MGARP: variants seen among roughly 807,000 people sequenced by gnomAD.
MGARP encodes mitochondria localized glutamic acid rich protein.
MGARP carries 12 observed loss-of-function variants against 11.0 expected under a neutral mutation model. The observed-to-expected ratio is 1.09, with a 90% CI of 0.70 to 1.77. The LOEUF (loss-of-function observed/expected upper bound fraction) is 1.77, where lower values mean the gene tolerates loss of function less well. Ranked by LOEUF, MGARP falls within the 40% of genes most tolerant of loss-of-function variation. The probability of loss-of-function intolerance (pLI) is 0.00; values close to 1 mark genes in which losing one functional copy is unlikely to be tolerated. For missense variants in MGARP, 283 were observed against 297.8 expected (o/e 0.95, Z 0.36); for synonymous variants, 110 against 115.4 (o/e 0.95, Z 0.30).
chr4:139,270,442 T>C (rs1343470043), intron 2 of MGARP, among the ~76,000 whole-genome samples: 5 of 151,040 alleles, frequency 3.3e-5, no homozygotes, highest in Non-Finnish European at 5.9e-5. Flanking sequence ...ACCCCATCTC[T>C]ACAAAAAGTA....
intron 2 of MGARP, among the ~76,000 whole-genome samples, chr4:139,271,709 G>T (rs1489699935): frequency 6.6e-6 from 1 of 152,156 alleles, no homozygotes; most frequent in African/African-American, 2.4e-5. Context: ...AAGTATACAG[G>T]TTTTGGAGTG....
intron 1 of MGARP, among the ~76,000 whole-genome samples, chr4:139,276,235 T>C (rs1744871554): frequency 1.3e-5 from 2 of 152,192 alleles, no homozygotes; most frequent in Non-Finnish European, 2.9e-5. Flanking sequence ...GTATTTGGAA[T>C]TGTTAGAAGC....
chr4:139,278,227 C>CA lies in MGARP; in HGVS notation c.82+1849dup, dbSNP rs772431481. On this transcript the variant is annotated intron_variant, in intron 1 of 3. Transcript: ENST00000398955. ...GAGCAACAAGAGTGAAACTCTGTCT[C>CA]AAAAAAATAAAATTACCCTTTTAAA... is the stretch of plus-strand genomic sequence containing the variant. 1.0e-3 allele frequency among the ~76,000 whole-genome samples: 159 copies of CA among 151,788 alleles called. 2 individuals carry two copies. The highest frequency in any genetic ancestry group is 1.9e-3 in the Non-Finnish European group (126 of 67,950).
rs1392445138 is a variant in MGARP at position 139,267,019 on chromosome 4, T to G, written c.303A>C (p.Glu101Asp). 1 of 1,613,562 alleles carries G rather than the reference T, an allele frequency of 6.2e-7. No individual in the cohort carries two copies. Among genetic ancestry groups the G allele is most frequent in the African/African-American group, 1.3e-5 (1 of 74,870 alleles). The change falls in exon 4 of 4, where the codon GAA (glutamate) becomes GAC (aspartate). Residue 101 changes from glutamate to aspartate, a missense_variant. Transcript: ENST00000398955. ...GGGCTTCTGAACTTGCTTTCTCAGTTTCCGCAACATTCTCCTTTTCACCTT... is the reference window on the plus strand; with the variant it reads ...GGGCTTCTGAACTTGCTTTCTCAGTGTCCGCAACATTCTCCTTTTCACCTT... The part of the protein sequence containing the change: ...PFQGEKENVA[E>D]TEKASSEAPE...
At chr4:139,273,510 C>CTTTTTTTTT (rs1000327890) in intron 2 of MGARP, among the ~76,000 whole-genome samples, 45 of 123,602 alleles carry the variant, frequency 3.6e-4, no homozygotes, top group Non-Finnish European at 5.4e-4. Context: ...TACTTTTATT[C>CTTTTTTTTT]TTTTTTTTTT....
At chr4:139,276,995 C>T (rs907703361) in intron 1 of MGARP, among the ~76,000 whole-genome samples, 1 of 152,146 alleles carries the variant, frequency 6.6e-6, no homozygotes, top group Non-Finnish European at 1.5e-5. Context: ...ATACACCTTA[C>T]ACACATAGCC....
intron 1 of MGARP, 85 bp downstream of exon 1, chr4:139,279,992 C>A: frequency 6.8e-7 from 1 of 1,466,064 alleles, no homozygotes; most frequent in Non-Finnish European, 9.4e-7. Flanking sequence ...GTTTGGCCAA[C>A]TGGGTGCCGG....
At chr4:139,276,490 C>T (rs778376387) in intron 1 of MGARP, among the ~76,000 whole-genome samples, 6 of 151,998 alleles carry the variant, frequency 3.9e-5, no homozygotes, top group East Asian at 1.9e-4. Flanking sequence ...GAAGGTGTAA[C>T]GTATAAAAGC....
At chr4:139,267,086 G>A (rs1744710818) in intron 3 of MGARP, 45 bp from the exon 4 acceptor site, 5 of 1,577,114 alleles carry the variant, frequency 3.2e-6, no homozygotes, top group Admixed American at 1.8e-5. Flanking sequence ...TAAAGATCGT[G>A]GGAAGGCAAT....
intron 2 of MGARP, among the ~76,000 whole-genome samples, chr4:139,274,965 T>A (rs1744844140): frequency 6.6e-6 from 1 of 152,220 alleles, no homozygotes. Context: ...AAATCATCCA[T>A]ATTAATGGTA....
At chr4:139,278,396 A>C (rs1744904281) in intron 1 of MGARP, among the ~76,000 whole-genome samples, 2 of 152,236 alleles carry the variant, frequency 1.3e-5, no homozygotes. Context: ...ATTTGTTTCC[A>C]ATCAATAATA....
At chr4:139,277,022 C>T (rs759289985) in intron 1 of MGARP, among the ~76,000 whole-genome samples, 37 of 152,178 alleles carry the variant, frequency 2.4e-4, no homozygotes, top group Non-Finnish European at 4.1e-4. Context: ...TAATTTCATA[C>T]AATATTTTGA....
At position 139,268,752 on chromosome 4, in the gene MGARP, A is replaced by C. The variant is rs751556178; in HGVS notation, c.200T>G (p.Val67Gly). ...SAGGYYAYKT[V>G]TSDQAKHTEH... ...TGTGTGTTTGGCTTGGTCTGATGTG[A>C]CTGTCTTGTAAGCCTGAAAGTAAAT... Residue 67 changes from valine to glycine, a missense_variant, in exon 3 of 4, where the codon GTC becomes GGC. Transcript: ENST00000398955. 3 of 1,607,354 alleles carry C rather than the reference A, an allele frequency of 1.9e-6. No homozygotes were observed. In the East Asian group the frequency reaches 6.7e-5, roughly 36 times the overall value.
intron 1 of MGARP, among the ~76,000 whole-genome samples, chr4:139,277,551 A>G (rs1744891537): frequency 6.6e-6 from 1 of 152,240 alleles, no homozygotes; most frequent in Admixed American, 6.5e-5. Flanking sequence ...AAATACAAAT[A>G]CAATGATGGA....
intron 3 of MGARP, 146 bp downstream of exon 3, chr4:139,268,521 TTTTCC>T (rs2110729469): frequency 1.8e-6 from 1 of 548,242 alleles, no homozygotes; most frequent in African/African-American, 1.9e-5. Flanking sequence ...TCAGTTGAAC[TTTTCC>T]TTTCTAAATG....
intron 2 of MGARP, among the ~76,000 whole-genome samples, chr4:139,274,254 C>T (rs969950907): frequency 2.6e-5 from 4 of 151,934 alleles, no homozygotes; most frequent in African/African-American, 4.8e-5. Flanking sequence ...GAACATACAA[C>T]GCAAAGAGTG....
intron 2 of MGARP, among the ~76,000 whole-genome samples, chr4:139,271,156 A>G (rs977731243): frequency 1.6e-4 from 24 of 152,340 alleles, no homozygotes; most frequent in African/African-American, 5.8e-4. Flanking sequence ...TACAAATGAT[A>G]TTAAGTATTT....
At chr4:139,270,960 G>A (rs1314415501) in intron 2 of MGARP, among the ~76,000 whole-genome samples, 1 of 151,898 alleles carries the variant, frequency 6.6e-6, no homozygotes, top group African/African-American at 2.4e-5. Flanking sequence ...TTGCTCAAGG[G>A]GCTAAAACAC....
chr4:139,273,393 T>A (rs1053384910), intron 2 of MGARP, among the ~76,000 whole-genome samples: 2 of 152,042 alleles, frequency 1.3e-5, no homozygotes, highest in African/African-American at 4.8e-5. Context: ...CTAATTTTTT[T>A]ATTTTTTATT....
Sources: allele counts gnomAD v4.1 joint callset (sites outside exome capture counted in the v4.1 genomes callset), GRCh38; gene constraint gnomAD v4.1.1; transcripts MANE v1.5; gene names NCBI Gene and HGNC (gene_info 2026-07-23, HGNC 2026-07-21).